Variants in RBFOX1 observed in about 807,000 individuals in gnomAD.
The protein encoded by RBFOX1 is RNA binding protein fox-1 homolog 1.
Under a neutral mutation model 57.7 loss-of-function variants are expected in RBFOX1, and 8 were observed. That is an observed-to-expected ratio of 0.14 (90% CI 0.08 to 0.25). The LOEUF is 0.25. RBFOX1 is among the 10% of genes least tolerant of loss of function. The pLI is 1.00. For missense variants in RBFOX1, 611 were observed against 548.5 expected (o/e 1.11, Z -1.14); for synonymous variants, 326 against 222.4 (o/e 1.47, Z -4.15).
rs17415179 is a variant in RBFOX1, at chr16:5,588,987, C to G, written c.259-9915C>G. Among the ~76,000 whole-genome samples, 783 of 152,268 alleles carry G rather than the reference C, an allele frequency of 5.1e-3. 6 individuals are homozygous for G. Among genetic ancestry groups the G allele is most frequent in the Middle Eastern group, 0.01 (3 of 294 alleles). ...TTTGGGGCTGCCTAGATGTCATGGCCTCATAGGAGCAGTTTGTTAATCTTC... is the reference window on the plus strand; with the variant it reads ...TTTGGGGCTGCCTAGATGTCATGGCGTCATAGGAGCAGTTTGTTAATCTTC... On this transcript the variant is annotated intron_variant, in intron 2 of 2. Transcript: ENST00000585867.
chr16:7,317,771 A>G (rs955359799), intron 4 of RBFOX1, among the ~76,000 whole-genome samples: 1 of 152,212 alleles, frequency 6.6e-6, no homozygotes, highest in Non-Finnish European at 1.5e-5. Flanking sequence ...GCCTCCAACT[A>G]GCTCTATGGG....
chr16:7,535,618 C>T (rs1367777141), intron 5 of RBFOX1, among the ~76,000 whole-genome samples: 1 of 152,198 alleles, frequency 6.6e-6, no homozygotes, highest in Non-Finnish European at 1.5e-5. Flanking sequence ...CCTGACACCA[C>T]CTCAAAACTA....
intron 1 of RBFOX1, among the ~76,000 whole-genome samples, chr16:5,402,341 G>T (rs1020302744): frequency 1.1e-4 from 17 of 152,262 alleles, no homozygotes; most frequent in African/African-American, 3.9e-4. Flanking sequence ...ATAGTGCTGG[G>T]GGTCCATGCA....
chr16:7,580,419 T>A (rs559369482), intron 6 of RBFOX1, among the ~76,000 whole-genome samples: 1 of 152,212 alleles, frequency 6.6e-6, no homozygotes, highest in Admixed American at 6.5e-5. Flanking sequence ...TGCATAAAGC[T>A]GATTTTAGCA....
intron 2 of RBFOX1, among the ~76,000 whole-genome samples, chr16:5,494,348 T>C (rs975577798): frequency 6.6e-6 from 1 of 152,230 alleles, no homozygotes; most frequent in Non-Finnish European, 1.5e-5. Context: ...AGGAGAGTTG[T>C]CAGACTCTGA....
chr16:6,796,227 T>C (rs2084006195), intron 3 of RBFOX1, among the ~76,000 whole-genome samples: 1 of 152,112 alleles, frequency 6.6e-6, no homozygotes, highest in Non-Finnish European at 1.5e-5. Flanking sequence ...ACTTATTCAC[T>C]ATGAAGAGAA....
chr16:5,251,772 A>AT (rs58544907), intron 1 of RBFOX1, among the ~76,000 whole-genome samples: 152,105 of 152,204 alleles, frequency 1, 76,003 homozygotes, highest in Non-Finnish European at 1. Flanking sequence ...GTGTAGCTGC[A>AT]ACATGTGTCA....
chr16:7,065,517 A>T (rs1376230854), intron 4 of RBFOX1, among the ~76,000 whole-genome samples: 1 of 151,972 alleles, frequency 6.6e-6, no homozygotes, highest in Non-Finnish European at 1.5e-5. Context: ...TTTTAATACC[A>T]TTTTTCTAAA....
intron 4 of RBFOX1, among the ~76,000 whole-genome samples, chr16:7,244,359 C>G (rs1048942426): frequency 6.6e-6 from 1 of 151,892 alleles, no homozygotes; most frequent in Non-Finnish European, 1.5e-5. Flanking sequence ...CTTCTTCAAA[C>G]CCTCAAGATG....
At chr16:6,202,916 G>C (rs1423822459) in intron 1 of RBFOX1, among the ~76,000 whole-genome samples, 1 of 152,004 alleles carries the variant, frequency 6.6e-6, no homozygotes, top group Non-Finnish European at 1.5e-5. Flanking sequence ...GGGACTACAG[G>C]TGCATGCCAC....
intron 11 of RBFOX1, among the ~76,000 whole-genome samples, chr16:7,643,447 G>A (rs138076089): frequency 3.4e-4 from 52 of 152,280 alleles, no homozygotes; most frequent in African/African-American, 1.2e-3. Flanking sequence ...AGCCCAAAAT[G>A]TTATGAAGGT....
chr16:6,763,134 T>C (rs149049704), intron 3 of RBFOX1, among the ~76,000 whole-genome samples: 1 of 151,758 alleles, frequency 6.6e-6, no homozygotes, highest in Non-Finnish European at 1.5e-5. Flanking sequence ...CTAAAATGAG[T>C]TTTTTCAGGG....
intron 3 of RBFOX1, among the ~76,000 whole-genome samples, chr16:6,792,298 G>T (rs1342522648): frequency 6.6e-6 from 1 of 152,142 alleles, no homozygotes; most frequent in African/African-American, 2.4e-5. Flanking sequence ...CTAAAGTTTG[G>T]AAAACGTTGC....
chr16:7,516,878 C>T (rs890396793), intron 4 of RBFOX1, among the ~76,000 whole-genome samples: 2 of 151,926 alleles, frequency 1.3e-5, no homozygotes, highest in Admixed American at 6.6e-5. Flanking sequence ...GTTTTTGCTG[C>T]ACTCAAATTG....
intron 3 of RBFOX1, among the ~76,000 whole-genome samples, chr16:6,688,496 A>G (rs900653362): frequency 2.6e-5 from 4 of 152,160 alleles, no homozygotes; most frequent in Non-Finnish European, 4.4e-5. Context: ...CATTTTCTCC[A>G]TATAAGAAGT....
chr16:7,494,357 T>C (rs997126970), intron 4 of RBFOX1, among the ~76,000 whole-genome samples: 3 of 152,084 alleles, frequency 2.0e-5, no homozygotes, highest in African/African-American at 7.2e-5. Context: ...TGGCGGCTAG[T>C]GTGTTATTTT....
chr16:7,042,421 C>T (rs562773668), intron 3 of RBFOX1, among the ~76,000 whole-genome samples: 62 of 152,240 alleles, frequency 4.1e-4, no homozygotes, highest in Non-Finnish European at 7.4e-4. Context: ...CCTATCTTTA[C>T]GGTTTTAGGA....
chr16:6,936,092 C>A lies in RBFOX1; in HGVS notation c.-15-115965C>A, dbSNP rs539367251. ...GCTGACTGCGGGCATTTCCTTAGAT[C>A]TGAGGTTCACTTTTTGCTCCGGGGG... On this transcript the variant is annotated intron_variant, in intron 3 of 15. Transcript: ENST00000550418. Among the ~76,000 whole-genome samples the A allele has an allele frequency of 2.0e-5, 3 of 152,278 alleles. No individual in the cohort carries two copies. The South Asian group carries it at 6.2e-4, about 32-fold the overall frequency.
intron 3 of RBFOX1, among the ~76,000 whole-genome samples, chr16:6,899,680 ATT>A (rs1391029398): frequency 6.6e-6 from 1 of 152,212 alleles, no homozygotes; most frequent in Admixed American, 6.5e-5. Context: ...GTCAATTGGA[ATT>A]ATCTCTACAG....
Sources: allele counts gnomAD v4.1 joint callset (sites outside exome capture counted in the v4.1 genomes callset), GRCh38; gene constraint gnomAD v4.1.1; transcripts MANE v1.5; gene names NCBI Gene and HGNC (gene_info 2026-07-23, HGNC 2026-07-21).